The following SLIT3 variants were observed in gnomAD, a reference collection of about 807,000 sequenced individuals.
SLIT3 encodes the protein slit homolog 3 protein.
SLIT3 carries 68 observed loss-of-function variants against 184.0 expected under a neutral mutation model. The observed-to-expected ratio is 0.37, with a 90% CI of 0.30 to 0.45. The LOEUF is 0.45. Among genes scored for constraint, SLIT3 ranks in the 20% least tolerant of loss-of-function variants. SLIT3 has a pLI of 1.00. For missense variants in SLIT3, 1,707 were observed against 2,026.0 expected (o/e 0.84, Z 3.02); for synonymous variants, 831 against 828.6 (o/e 1.00, Z -0.05).
At chr5:169,216,936 G>A (rs1480448621) in intron 3 of SLIT3, among the ~76,000 whole-genome samples, 3 of 152,022 alleles carry the variant, frequency 2.0e-5, no homozygotes, top group South Asian at 2.1e-4. Flanking sequence ...TGTGTGTGCC[G>A]TACTTCAGTT....
chr5:168,868,640 C>T (rs1759394755), intron 5 of SLIT3, among the ~76,000 whole-genome samples: 1 of 149,572 alleles, frequency 6.7e-6, no homozygotes, highest in African/African-American at 2.5e-5. Flanking sequence ...CCTAGCTACT[C>T]GGGAGACTGA....
chr5:169,050,743 T>C (rs1364076722), intron 4 of SLIT3, among the ~76,000 whole-genome samples: 2 of 152,096 alleles, frequency 1.3e-5, no homozygotes, highest in Non-Finnish European at 2.9e-5. Context: ...TGCTGCCAAC[T>C]GTAACGTGTA....
intron 4 of SLIT3, among the ~76,000 whole-genome samples, chr5:168,999,489 T>C (rs1434879143): frequency 1.3e-5 from 2 of 151,644 alleles, no homozygotes; most frequent in South Asian, 2.1e-4. Flanking sequence ...TAACTAATCA[T>C]ATCCCCATCC....
At chr5:168,888,212 T>C (rs1283507525) in intron 4 of SLIT3, among the ~76,000 whole-genome samples, 1 of 152,178 alleles carries the variant, frequency 6.6e-6, no homozygotes, top group African/African-American at 2.4e-5. Flanking sequence ...CTTAGCCCAA[T>C]ATGATGGGGA....
intron 4 of SLIT3, among the ~76,000 whole-genome samples, chr5:168,889,104 G>C (rs1277112417): frequency 6.6e-6 from 1 of 152,170 alleles, no homozygotes; most frequent in Non-Finnish European, 1.5e-5. Flanking sequence ...GAAAGACACT[G>C]TTTTGCTTAC....
At chr5:168,776,197 C>T (rs1648342898) in intron 12 of SLIT3, among the ~76,000 whole-genome samples, 1 of 152,130 alleles carries the variant, frequency 6.6e-6, no homozygotes, top group African/African-American at 2.4e-5. Context: ...GCCCATGGTG[C>T]TAAATCATCC....
chr5:168,865,119 G>T (rs1759250691), intron 5 of SLIT3, among the ~76,000 whole-genome samples: 1 of 136,732 alleles, frequency 7.3e-6, no homozygotes, highest in South Asian at 2.3e-4. Context: ...GTTGCAGTGA[G>T]CCAAGATTGT....
At chr5:169,292,052 T>C (rs983908422) in intron 1 of SLIT3, among the ~76,000 whole-genome samples, 6 of 152,200 alleles carry the variant, frequency 3.9e-5, no homozygotes, top group Admixed American at 1.3e-4. Flanking sequence ...TTACAGAGGC[T>C]TGGGGACCCT....
intron 3 of SLIT3, among the ~76,000 whole-genome samples, chr5:169,205,011 AG>A (rs1346746696): frequency 6.6e-6 from 1 of 152,226 alleles, no homozygotes; most frequent in Non-Finnish European, 1.5e-5. Flanking sequence ...GGGCGTTTCC[AG>A]GCAACTATGA....
intron 4 of SLIT3, among the ~76,000 whole-genome samples, chr5:169,114,908 A>G (rs545678158): frequency 6.6e-6 from 1 of 152,358 alleles, no homozygotes; most frequent in East Asian, 1.9e-4. Context: ...AATTCTCCCA[A>G]TTAGGCAGTT....
chr5:168,738,585 C>T (rs944205054), intron 20 of SLIT3, among the ~76,000 whole-genome samples: 1 of 152,164 alleles, frequency 6.6e-6, no homozygotes, highest in Non-Finnish European at 1.5e-5. Context: ...ATTATTCAGA[C>T]ATGGCTATTT....
At chr5:168,889,603 T>C (rs1760360620) in intron 4 of SLIT3, among the ~76,000 whole-genome samples, 1 of 152,214 alleles carries the variant, frequency 6.6e-6, no homozygotes, top group African/African-American at 2.4e-5. Flanking sequence ...CACAGATTCA[T>C]CAGAAAAGTC....
chr5:169,190,682 T>A (rs1028621593), intron 4 of SLIT3, among the ~76,000 whole-genome samples: 2 of 152,224 alleles, frequency 1.3e-5, no homozygotes, highest in Non-Finnish European at 2.9e-5. Context: ...GAATTGTTTA[T>A]CCCACATGGC....
intron 3 of SLIT3, among the ~76,000 whole-genome samples, chr5:169,205,162 A>G (rs571158871): frequency 7.9e-5 from 12 of 152,268 alleles, no homozygotes; most frequent in Non-Finnish European, 1.0e-4. Context: ...AAAGTCTATG[A>G]ATTATATGCC....
At chr5:168,735,127 C>T (rs533772693) in intron 20 of SLIT3, among the ~76,000 whole-genome samples, 47 of 152,262 alleles carry the variant, frequency 3.1e-4, no homozygotes, top group African/African-American at 1.1e-3. Context: ...TTAGAACTGC[C>T]GGAGTGTTTC....
chr5:169,243,346 T>G (rs976747987), intron 3 of SLIT3, among the ~76,000 whole-genome samples: 2 of 152,216 alleles, frequency 1.3e-5, no homozygotes, highest in Non-Finnish European at 2.9e-5. Context: ...CAACAAATAC[T>G]TTTATGTTCT....
intron 4 of SLIT3, among the ~76,000 whole-genome samples, chr5:169,071,021 G>A (rs899216712): frequency 1.3e-5 from 2 of 152,150 alleles, no homozygotes; most frequent in Admixed American, 1.3e-4. Context: ...CCTCCTAGCT[G>A]TGGGACCTTG....
chr5:168,790,065 C>T (rs1397917340), intron 10 of SLIT3: 4 of 160,310 alleles, frequency 2.5e-5, no homozygotes, highest in African/African-American at 7.2e-5. Flanking sequence ...CATGCCTCAG[C>T]AGCTGCTCAT....
At chr5:168,683,822 A>AGT (rs1054781086) in intron 32 of SLIT3, 144 bp downstream of exon 32, 7 of 656,658 alleles carry the variant, frequency 1.1e-5, no homozygotes, top group African/African-American at 1.9e-5. Flanking sequence ...GTGAGGAGGA[A>AGT]GTGTGTGTGT....
Sources: gnomAD v4.1 joint callset for allele counts (sites outside exome capture counted in the v4.1 genomes callset) on GRCh38, gnomAD v4.1.1 for gene constraint, MANE v1.5 for transcripts, NCBI Gene and HGNC (gene_info 2026-07-23, HGNC 2026-07-21) for gene names.